The following TSPAN11 variants were observed in gnomAD, a reference collection of about 807,000 sequenced individuals.
TSPAN11 encodes the protein tetraspanin-11.
A neutral mutation model predicts 32.9 loss-of-function variants in TSPAN11; 29 were observed. The ratio of observed to expected loss-of-function variants is 0.88; its 90% confidence interval spans 0.66 to 1.20. TSPAN11 has a LOEUF of 1.20. Ranked by LOEUF, TSPAN11 falls within the 50% of genes most tolerant of loss-of-function variation. The probability of loss-of-function intolerance (pLI) is 0.00; values close to 1 mark genes in which losing one functional copy is unlikely to be tolerated. For synonymous variants in TSPAN11, 140 were observed against 141.3 expected, an observed-to-expected ratio of 0.99 and a Z score of 0.07; for missense variants, 283 against 329.1, an observed-to-expected ratio of 0.86 and a Z score of 1.08.
At chr12:30,957,198 AC>A (rs1056731797) in intron 2 of TSPAN11, among the ~76,000 whole-genome samples, 81 of 106,130 alleles carry the variant, frequency 7.6e-4, no homozygotes, top group Non-Finnish European at 1.4e-3. Context: ...TTTCTGCTGC[AC>A]CCCTTTTTGA....
At position 30,975,477 on chromosome 12, in the gene TSPAN11, AT is replaced by A. The variant is rs1367454159; in HGVS notation, c.277-3083del. On this transcript the variant is annotated intron_variant, in intron 3 of 7. Coordinates refer to ENST00000546076, the MANE Select transcript of TSPAN11 (RefSeq NM_001370302.1). The surrounding 1 kb of genome is among the most constrained non-coding windows in gnomAD (Gnocchi z 4.5). ...TAACACACTGGAGCTCGAGAAGGCT[AT>A]CCCCACACACCACCGCCACTGCCAA... Among the ~76,000 whole-genome samples, 2 of 151,866 alleles carry A rather than the reference AT, an allele frequency of 1.3e-5. No individual in the cohort carries two copies. The highest frequency in any genetic ancestry group is 2.9e-5 in the Non-Finnish European group (2 of 67,938).
chr12:30,960,455 C>G (rs1565795247), intron 2 of TSPAN11, among the ~76,000 whole-genome samples: 1 of 151,956 alleles, frequency 6.6e-6, no homozygotes, highest in African/African-American at 2.4e-5. Flanking sequence ...TCCTTCATTG[C>G]AGAAGCCCTA....
At chr12:30,984,543 C>T (rs946430015) in intron 7 of TSPAN11, among the ~76,000 whole-genome samples, 3 of 138,144 alleles carry the variant, frequency 2.2e-5, no homozygotes, top group African/African-American at 8.4e-5. Flanking sequence ...TAGTGTTCTT[C>T]GCTTTTTGCT....
At chr12:31,005,364 C>T in the TSPAN11 span, among the ~76,000 whole-genome samples, 2 of 152,206 alleles carry the variant, frequency 1.3e-5, no homozygotes, top group South Asian at 2.1e-4. Flanking sequence ...ACAGTGGCCA[C>T]GGACAGCAGC....
chr12:31,000,845 C>A (rs777226100), downstream of TSPAN11, among the ~76,000 whole-genome samples: 1 of 152,220 alleles, frequency 6.6e-6, no homozygotes, highest in Non-Finnish European at 1.5e-5. Context: ...ATTCATCCAT[C>A]CATTTGGTAC....
intron 7 of TSPAN11, 29 bp downstream of exon 7, chr12:30,983,179 G>A (rs775474669): frequency 2.8e-5 from 45 of 1,593,576 alleles, no homozygotes; most frequent in Middle Eastern, 3.3e-4. Context: ...ACTGGTGGGG[G>A]TGGAAGGGCT....
intron 5 of TSPAN11, 26 bp from the exon 6 acceptor site, chr12:30,982,506 G>C (rs1939111474): frequency 8.2e-6 from 13 of 1,591,804 alleles, no homozygotes; most frequent in East Asian, 4.5e-5. Context: ...CTCACCTCCA[G>C]CCTCTGCCTC....
chr12:30,965,939 C>A (rs966197916), intron 3 of TSPAN11, among the ~76,000 whole-genome samples: 5 of 152,082 alleles, frequency 3.3e-5, no homozygotes, highest in Admixed American at 1.3e-4. Flanking sequence ...GCCCACGGGC[C>A]GCATGCAGCC....
the TSPAN11 span, among the ~76,000 whole-genome samples, chr12:31,015,271 G>A: frequency 6.6e-6 from 1 of 152,100 alleles, no homozygotes; most frequent in Non-Finnish European, 1.5e-5. The surrounding 1 kb of genome is among the most constrained non-coding windows in gnomAD (Gnocchi z 4.9). Context: ...CACACACACC[G>A]TACCCCTGTC....
the TSPAN11 span, among the ~76,000 whole-genome samples, chr12:31,005,333 C>T: frequency 6.6e-6 from 1 of 152,178 alleles, no homozygotes; most frequent in Non-Finnish European, 1.5e-5. Flanking sequence ...AGCAGGCAGA[C>T]CCCACCCTGC....
chr12:31,008,111 CTTTT>C, the TSPAN11 span, among the ~76,000 whole-genome samples: 8,595 of 145,412 alleles, frequency 0.059, 819 homozygotes, highest in African/African-American at 0.2. Flanking sequence ...TTTCTTTTTT[CTTTT>C]TTTTTTTTTT....
At chr12:30,959,807 G>GT (rs1206175821) in intron 2 of TSPAN11, among the ~76,000 whole-genome samples, 3 of 150,960 alleles carry the variant, frequency 2.0e-5, no homozygotes, top group South Asian at 2.1e-4. Context: ...AAACCGAGGT[G>GT]TGGGGGGAAG....
chr12:30,943,985 G>A lies in TSPAN11; in HGVS notation c.-11-9996G>A, dbSNP rs757156448. Among the ~76,000 whole-genome samples, 19 of 152,294 alleles carry A rather than the reference G, an allele frequency of 1.2e-4. No homozygotes were observed. In the South Asian group the frequency reaches 2.3e-3, roughly 18 times the overall value. The stretch of plus-strand genomic sequence containing the variant: ...CCAGCTGTCTTTGGCCATCAAGCAG[G>A]CATGACCTCTTGTTGGCCAAGAACT... On this transcript the variant is annotated intron_variant, in intron 1 of 7. Coordinates refer to ENST00000546076, the MANE Select transcript of TSPAN11 (RefSeq NM_001370302.1).
At chr12:30,984,551 G>GTTT (rs1939161653) in intron 7 of TSPAN11, among the ~76,000 whole-genome samples, 5 of 99,528 alleles carry the variant, frequency 5.0e-5, no homozygotes, top group Admixed American at 9.9e-5. Flanking sequence ...TTCGCTTTTT[G>GTTT]CTTTTTTTTT....
chr12:30,979,034 G>A (rs1372757235), intron 4 of TSPAN11: 2 of 268,666 alleles, frequency 7.4e-6, no homozygotes, highest in East Asian at 1.6e-4. Flanking sequence ...GATGGAGTGA[G>A]TCCTAGAGTC....
rs1352865206 is a variant in TSPAN11, at chr12:30,994,645, T to C, written c.*2730T>C. ...CGTTCTTGTCTTTCTCCCTCCTGCTTCCCCGGCACCCTAGCCCCATCTCCA... is the reference window on the plus strand; with the variant it reads ...CGTTCTTGTCTTTCTCCCTCCTGCTCCCCCGGCACCCTAGCCCCATCTCCA... On this transcript the variant is annotated 3_prime_UTR_variant, in exon 8 of 8. Coordinates refer to ENST00000546076, the MANE Select transcript of TSPAN11 (RefSeq NM_001370302.1). The C allele has an allele frequency of 6.6e-6, 1 of 152,180 alleles. No homozygotes were observed. Among genetic ancestry groups the C allele is most frequent in the Non-Finnish European group, 1.5e-5 (1 of 68,038 alleles). 9.4% of individuals were successfully genotyped at this position (152,180 alleles called of 1,614,324 possible).
At chr12:30,981,374 G>C (rs974167363) in intron 5 of TSPAN11, among the ~76,000 whole-genome samples, 2 of 152,176 alleles carry the variant, frequency 1.3e-5, no homozygotes, top group Admixed American at 6.5e-5. Context: ...TGATGGCGCC[G>C]GGCTCTCTTC....
chr12:30,932,905 A>G (rs1341652923), intron 1 of TSPAN11, among the ~76,000 whole-genome samples: 1 of 152,216 alleles, frequency 6.6e-6, no homozygotes, highest in Non-Finnish European at 1.5e-5. Flanking sequence ...TTTTAAATTC[A>G]ATTCCTGATG....
At position 30,994,949 on chromosome 12, in the gene TSPAN11, A is replaced by G. The variant is rs954336224; in HGVS notation, c.*3034A>G. 6.6e-6 allele frequency: 1 copy of G among 152,188 alleles called. No homozygotes were observed. Among genetic ancestry groups the G allele is most frequent in the South Asian group, 2.1e-4 (1 of 4,830 alleles). The allele number at this position is 152,188 out of a possible 1,614,324, so 9.4% of individuals were successfully genotyped here. ...TCCCCTCAGTGTCCCCCAGTTCTCCATCTCCATAAGGAGCCATCAGGCTGT... is the reference window on the plus strand; with the variant it reads ...TCCCCTCAGTGTCCCCCAGTTCTCCGTCTCCATAAGGAGCCATCAGGCTGT... On this transcript the variant is annotated 3_prime_UTR_variant, in exon 8 of 8. Transcript: ENST00000546076.
Sources: allele counts gnomAD v4.1 joint callset (sites outside exome capture counted in the v4.1 genomes callset), GRCh38; gene constraint gnomAD v4.1.1; non-coding constraint Gnocchi (gnomAD v3.1); transcripts MANE v1.5; gene names NCBI Gene and HGNC (gene_info 2026-07-23, HGNC 2026-07-21).